AP4S1: variants seen among roughly 807,000 people sequenced by gnomAD.
The protein encoded by AP4S1 is AP-4 complex subunit sigma-1.
A neutral mutation model predicts 19.8 loss-of-function variants in AP4S1; 23 were observed. The observed-to-expected ratio is 1.16, with a 90% confidence interval of 0.84 to 1.65. The LOEUF is 1.65. Among genes scored for constraint, AP4S1 ranks in the 40% most tolerant of loss-of-function variants. The pLI, the probability that AP4S1 is intolerant of heterozygous loss-of-function variation, is 0.00. For missense variants in AP4S1, 166 were observed against 172.8 expected, an observed-to-expected ratio of 0.96 and a Z score of 0.22; for synonymous variants, 46 against 54.1, an observed-to-expected ratio of 0.85 and a Z score of 0.66.
intron 5 of AP4S1, among the ~76,000 whole-genome samples, chr14:31,090,562 A>T (rs1350773592): frequency 6.6e-6 from 1 of 152,236 alleles, no homozygotes; most frequent in African/African-American, 2.4e-5. Context: ...ACTGTCTTTC[A>T]ATAGCCATTC....
At chr14:31,075,153 C>T (rs1485366091) in intron 4 of AP4S1, among the ~76,000 whole-genome samples, 2 of 152,094 alleles carry the variant, frequency 1.3e-5, no homozygotes, top group African/African-American at 4.8e-5. Context: ...ATATTTGCAC[C>T]CATTAATCTA....
intron 1 of AP4S1, among the ~76,000 whole-genome samples, chr14:31,034,497 C>T (rs1449495634): frequency 6.6e-6 from 1 of 152,044 alleles, no homozygotes; most frequent in Non-Finnish European, 1.5e-5. Flanking sequence ...CACTGCATTG[C>T]CCAGGCTGGT....
rs367967945 is a variant in AP4S1, at chr14:31,069,894, G to A, written c.190G>A (p.Ala64Thr). 1 of 1,613,694 alleles carries A rather than the reference G, an allele frequency of 6.2e-7. No homozygotes were observed. Among genetic ancestry groups the A allele is most frequent in the Non-Finnish European group, 8.5e-7 (1 of 1,179,618 alleles). ...DFKLIYRQYAALFIVVGVNDT... is the reference protein window; with the variant it reads ...DFKLIYRQYATLFIVVGVNDT... ...TAAGCTGATATATCGGCAGTATGCA[G>A]CTCTCTTCATTGTGGTTGGAGTTAA... The change falls in exon 3 of 6, where the codon GCT (alanine) becomes ACT (threonine). Residue 64 changes from alanine (A) to threonine (T), a missense_variant. Physicochemically the swap from Ala to Thr is moderately conservative, Grantham distance 58. Transcript: ENST00000542754.
chr14:31,043,706 G>A (rs1240280340), intron 1 of AP4S1, among the ~76,000 whole-genome samples: 1 of 152,130 alleles, frequency 6.6e-6, no homozygotes, highest in African/African-American at 2.4e-5. Flanking sequence ...CAATGTTTTT[G>A]TTATGTACAA....
chr14:31,073,467 GCA>G (rs1346703492), intron 4 of AP4S1, among the ~76,000 whole-genome samples: 5 of 146,598 alleles, frequency 3.4e-5, no homozygotes, highest in Admixed American at 1.4e-4. Context: ...TCCAGCCTGG[GCA>G]ACAGAGCGAG....
chr14:31,080,677 A>G, intron 5 of AP4S1, 93 bp downstream of exon 5: 1 of 1,556,910 alleles, frequency 6.4e-7, no homozygotes, highest in Admixed American at 1.7e-5. Flanking sequence ...ACTATTCAGC[A>G]GAGTCCAGAG....
chr14:31,078,033 C>G (rs1887460754), intron 4 of AP4S1, among the ~76,000 whole-genome samples: 1 of 152,174 alleles, frequency 6.6e-6, no homozygotes, highest in African/African-American at 2.4e-5. Context: ...CGTGCCCGGC[C>G]TTTATCAGCC....
chr14:31,085,033 A>C (rs1439355624), intron 5 of AP4S1: 1 of 1,469,518 alleles, frequency 6.8e-7, no homozygotes, highest in Non-Finnish European at 9.0e-7. Context: ...CTAAGGACTT[A>C]GTTTATTTGG....
chr14:31,060,291 G>A (rs1407834613), intron 1 of AP4S1, among the ~76,000 whole-genome samples: 2 of 151,950 alleles, frequency 1.3e-5, no homozygotes, highest in Non-Finnish European at 2.9e-5. Flanking sequence ...TAGGTTCCAC[G>A]GGGCCTACTG....
At chr14:31,031,373 C>A (rs187137108) in intron 1 of AP4S1, among the ~76,000 whole-genome samples, 1 of 152,172 alleles carries the variant, frequency 6.6e-6, no homozygotes, top group Non-Finnish European at 1.5e-5. Context: ...ACCTCTACCC[C>A]TCTTGTTCAA....
At chr14:31,073,605 TA>T (rs1380240940) in intron 4 of AP4S1, among the ~76,000 whole-genome samples, 2 of 151,518 alleles carry the variant, frequency 1.3e-5, no homozygotes, top group East Asian at 1.9e-4. Flanking sequence ...ATTATTTATT[TA>T]TTTTTTTATT....
intron 1 of AP4S1, chr14:31,026,838 C>T (rs1884013731): frequency 6.6e-6 from 1 of 152,198 alleles, no homozygotes; most frequent in Admixed American, 6.6e-5. Context: ...CATCCCGTCT[C>T]GGATTCCTGA....
chr14:31,082,867 G>A (rs963011988), intron 5 of AP4S1, among the ~76,000 whole-genome samples: 4 of 151,144 alleles, frequency 2.6e-5, no homozygotes, highest in Non-Finnish European at 5.9e-5. Context: ...CTGCACTCCA[G>A]CCTGGGCGAC....
At chr14:31,034,470 G>C (rs957475923) in intron 1 of AP4S1, among the ~76,000 whole-genome samples, 2 of 151,842 alleles carry the variant, frequency 1.3e-5, no homozygotes, top group African/African-American at 2.4e-5. Flanking sequence ...ACTTTTTTTG[G>C]GGGGGAAACA....
At chr14:31,035,193 CTTTTTT>C (rs11393950) in intron 1 of AP4S1, among the ~76,000 whole-genome samples, 1 of 103,626 alleles carries the variant, frequency 9.7e-6, no homozygotes, top group South Asian at 3.3e-4. Context: ...ATGGTAATTC[CTTTTTT>C]TTTTTTTTTT....
intron 1 of AP4S1, among the ~76,000 whole-genome samples, chr14:31,051,099 T>TA (rs1358594253): frequency 6.6e-6 from 1 of 150,736 alleles, no homozygotes; most frequent in African/African-American, 2.4e-5. Context: ...CACAAGAAAA[T>TA]AAAAAAGTTA....
intron 5 of AP4S1, chr14:31,085,501 C>T: frequency 4.1e-6 from 4 of 985,994 alleles, no homozygotes; most frequent in Non-Finnish European, 4.8e-6. Context: ...AGACCGGGCA[C>T]AGTGGCTCAC....
intron 1 of AP4S1, among the ~76,000 whole-genome samples, chr14:31,047,198 T>C (rs1885458596): frequency 6.6e-6 from 1 of 152,170 alleles, no homozygotes. Context: ...ATTATGTTGC[T>C]TGTCTTCCTG....
intron 1 of AP4S1, among the ~76,000 whole-genome samples, chr14:31,060,073 T>A (rs988894481): frequency 2.0e-5 from 3 of 148,368 alleles, no homozygotes; most frequent in East Asian, 3.9e-4. Flanking sequence ...ATATATATTT[T>A]TATATATATA....
Sources: allele counts gnomAD v4.1 joint callset (sites outside exome capture counted in the v4.1 genomes callset), GRCh38; gene constraint gnomAD v4.1.1; transcripts MANE v1.5; gene names NCBI Gene and HGNC (gene_info 2026-07-23, HGNC 2026-07-21).